Variants in EXOC2 observed in about 807,000 individuals in gnomAD.
EXOC2 encodes the protein SEC5-like 1.
Under a neutral mutation model 131.8 loss-of-function variants are expected in EXOC2, and 70 were observed. That is an observed-to-expected ratio of 0.53 (90% CI 0.44 to 0.65). The LOEUF (loss-of-function observed/expected upper bound fraction) is 0.65. Ranked by LOEUF, EXOC2 falls within the 30% of genes least tolerant of loss-of-function variation. EXOC2 has a pLI of 0.00. For synonymous variants in EXOC2, 411 were observed against 398.4 expected (o/e 1.03, Z -0.38); for missense variants, 923 against 1,108.6 (o/e 0.83, Z 2.38).
intron 22 of EXOC2, among the ~76,000 whole-genome samples, chr6:537,210 G>A (rs983910193): frequency 2.4e-4 from 33 of 135,634 alleles, no homozygotes; most frequent in African/African-American, 6.9e-4. Flanking sequence ...TCGAGATGAC[G>A]ACCGACGGAG....
At chr6:614,464 C>T (rs1246649801) in intron 6 of EXOC2, among the ~76,000 whole-genome samples, 2 of 152,212 alleles carry the variant, frequency 1.3e-5, no homozygotes, top group Admixed American at 6.5e-5. Context: ...CCTAGACCTG[C>T]TCCATGAATC....
chr6:548,724 A>C (rs936591682), intron 22 of EXOC2, among the ~76,000 whole-genome samples: 1 of 152,234 alleles, frequency 6.6e-6, no homozygotes, highest in African/African-American at 2.4e-5. Context: ...CCTTGAGGTC[A>C]TACAGAAAGG....
At chr6:587,171 A>G (rs1173471205) in intron 11 of EXOC2, among the ~76,000 whole-genome samples, 1 of 152,206 alleles carries the variant, frequency 6.6e-6, no homozygotes, top group Non-Finnish European at 1.5e-5. Flanking sequence ...ATTAAGGCAA[A>G]TATTTTATAT....
chr6:504,863 C>T (rs1276128257), intron 23 of EXOC2, among the ~76,000 whole-genome samples: 1 of 152,142 alleles, frequency 6.6e-6, no homozygotes, highest in East Asian at 1.9e-4. Context: ...CCTAAGAGAG[C>T]TTACAGGTCA....
chr6:656,469 A>G, intron 1 of EXOC2: 2 of 1,612,080 alleles, frequency 1.2e-6, no homozygotes, highest in Non-Finnish European at 1.7e-6. Context: ...CCAGCGCGGC[A>G]GGCGGATGCT....
At chr6:597,232 T>C (rs904104383) in intron 10 of EXOC2, among the ~76,000 whole-genome samples, 2 of 152,068 alleles carry the variant, frequency 1.3e-5, no homozygotes, top group Admixed American at 6.6e-5. Context: ...TGGAGTGCAG[T>C]GGTGTGAGAT....
intron 6 of EXOC2, among the ~76,000 whole-genome samples, chr6:614,604 T>C (rs1479115928): frequency 1.3e-5 from 2 of 152,218 alleles, no homozygotes; most frequent in Non-Finnish European, 2.9e-5. Flanking sequence ...GGGGACTACT[T>C]ATAAATATAT....
intron 1 of EXOC2, among the ~76,000 whole-genome samples, chr6:686,799 A>T (rs1764675588): frequency 6.6e-6 from 1 of 152,244 alleles, no homozygotes; most frequent in Non-Finnish European, 1.5e-5. Flanking sequence ...GCAGGTCTAA[A>T]GGTGACTGGA....
At chr6:654,976 T>C (rs1413368706) in intron 1 of EXOC2, among the ~76,000 whole-genome samples, 4 of 152,014 alleles carry the variant, frequency 2.6e-5, no homozygotes, top group African/African-American at 9.7e-5. Flanking sequence ...GAAGATGCTG[T>C]GAAAACTGTT....
rs1039782691 is a variant in EXOC2 at position 485,536 on chromosome 6, T to C, written c.*1135A>G. On this transcript the variant is annotated 3_prime_UTR_variant, in exon 28 of 28. Transcript: ENST00000230449. ...CCTGACAAGCCGACTACAAAGAGAATTCCTCTCTGAAAATTTTCAGATGCG... is the reference window on the plus strand; with the variant it reads ...CCTGACAAGCCGACTACAAAGAGAACTCCTCTCTGAAAATTTTCAGATGCG... 28 of 152,192 alleles carry C rather than the reference T, an allele frequency of 1.8e-4. No homozygotes were observed. The highest frequency in any genetic ancestry group is 6.5e-4 in the African/African-American group (27 of 41,440). 9.4% of individuals were successfully genotyped at this position (152,192 alleles called of 1,614,324 possible).
In EXOC2 at chr6:651,586, G is replaced by A. The variant is rs549988729; in HGVS notation, c.-43-13725C>T. On this transcript the variant is annotated intron_variant, in intron 1 of 27. Coordinates refer to ENST00000230449, the MANE Select transcript of EXOC2 (RefSeq NM_018303.6). ...TGAGAATCACTTGAACCCGGAGGCC[G>A]AGGTTAGGGTAAGCCAAGATTGTGC... Among the ~76,000 whole-genome samples, 8 of 151,992 alleles carry A rather than the reference G, an allele frequency of 5.3e-5. No individual in the cohort carries two copies. In the South Asian group the frequency reaches 1.5e-3, roughly 28 times the overall value.
chr6:659,633 C>T (rs780621646), intron 1 of EXOC2, among the ~76,000 whole-genome samples: 8 of 152,244 alleles, frequency 5.3e-5, no homozygotes, highest in Middle Eastern at 3.4e-3. Flanking sequence ...GAGAAGTTTC[C>T]GACTTTACCT....
chr6:524,521 C>A (rs993199247), intron 23 of EXOC2, among the ~76,000 whole-genome samples: 16 of 152,044 alleles, frequency 1.1e-4, no homozygotes, highest in Non-Finnish European at 2.1e-4. Flanking sequence ...ATGAGGGACG[C>A]TAGTCTGTAA....
chr6:612,786 C>A (rs1483849473), intron 6 of EXOC2, among the ~76,000 whole-genome samples: 1 of 150,782 alleles, frequency 6.6e-6, no homozygotes, highest in Non-Finnish European at 1.5e-5. Context: ...CAGGGAGGAA[C>A]ATGCGTAATT....
At chr6:562,402 T>C (rs1581443148) in intron 17 of EXOC2, among the ~76,000 whole-genome samples, 1 of 152,232 alleles carries the variant, frequency 6.6e-6, no homozygotes, top group African/African-American at 2.4e-5. Context: ...CAGTGGTCTG[T>C]GGTGGTTGTT....
rs1026930925 is a variant in EXOC2, at chr6:556,161, A to G, written c.1933-148T>C. 125 of 729,070 alleles carry G rather than the reference A, an allele frequency of 1.7e-4. 1 individual carries two copies. Among genetic ancestry groups the G allele is most frequent in the Non-Finnish European group, 1.3e-4 (58 of 433,198 alleles). 45.2% of individuals were successfully genotyped at this position (729,070 alleles called of 1,614,324 possible). On this transcript the variant is annotated intron_variant, in intron 18 of 27. Coordinates refer to ENST00000230449, the MANE Select transcript of EXOC2 (RefSeq NM_018303.6). ...AAGGAGGCGTGCGAAGAGTGGGCCT[A>G]CTGGGAGGTGTTCCTTACTGTAGTG...
At chr6:582,590 A>G (rs976807938) in intron 11 of EXOC2, among the ~76,000 whole-genome samples, 4 of 138,010 alleles carry the variant, frequency 2.9e-5, no homozygotes, top group Admixed American at 7.4e-5. Flanking sequence ...ATTCCTTTCA[A>G]GCGCACCACA....
At chr6:677,312 C>A (rs1764192133) in intron 1 of EXOC2, among the ~76,000 whole-genome samples, 1 of 152,204 alleles carries the variant, frequency 6.6e-6, no homozygotes, top group African/African-American at 2.4e-5. Context: ...GGGATTTTGA[C>A]CCCTTCATTA....
rs1456848750 is a variant in EXOC2, at chr6:497,407, A to G, written c.2519T>C (p.Met840Thr). The G allele has an allele frequency of 6.2e-7, 1 of 1,614,088 alleles. No individual in the cohort carries two copies. The highest frequency in any genetic ancestry group is 8.5e-7 in the Non-Finnish European group (1 of 1,179,974). Residue 840 changes from methionine to threonine, a missense_variant, in exon 25 of 28, where the codon ATG becomes ACG. Coordinates refer to ENST00000230449, the MANE Select transcript of EXOC2 (RefSeq NM_018303.6). ...TTTGCTGAAGGATGAAACACACTGC[A>G]TCAGTCGACTGAGCTCTTCAGAAAC... is the stretch of plus-strand genomic sequence containing the variant. ...EAVSEELSRL[M>T]QCVSSFSKNG...
Sources: allele counts gnomAD v4.1 joint callset (sites outside exome capture counted in the v4.1 genomes callset), GRCh38; gene constraint gnomAD v4.1.1; transcripts MANE v1.5; gene names NCBI Gene and HGNC (gene_info 2026-07-23, HGNC 2026-07-21).